CSMD1: variants seen among roughly 807,000 people sequenced by gnomAD.
CSMD1 encodes CUB and sushi domain-containing protein 1.
In CSMD1, 213 loss-of-function variants were observed where a neutral mutation model predicts 417.5. That is an observed-to-expected ratio of 0.51 (90% CI 0.46 to 0.57). CSMD1 has a LOEUF of 0.57. Ranked by LOEUF, CSMD1 falls within the 20% of genes least tolerant of loss-of-function variation. The probability of loss-of-function intolerance (pLI) is 0.00; values close to 1 mark genes in which losing one functional copy is unlikely to be tolerated. For missense variants in CSMD1, 6,923 were observed against 4,529.7 expected (o/e 1.53, Z -15.17); for synonymous variants, 2,862 against 1,736.8 (o/e 1.65, Z -16.11).
At chr8:4,295,368 ATG>A (rs978862746) in intron 3 of CSMD1, among the ~76,000 whole-genome samples, 2 of 144,196 alleles carry the variant, frequency 1.4e-5, no homozygotes, top group African/African-American at 5.0e-5. Context: ...AAGATTATAT[ATG>A]TATCTTATTA....
chr8:4,306,897 G>A (rs11136724), intron 3 of CSMD1, among the ~76,000 whole-genome samples: 102,465 of 151,804 alleles, frequency 0.67, 35,207 homozygotes, highest in East Asian at 0.84. Context: ...CTTTCCTTAC[G>A]CTAAAAATAT....
chr8:3,686,169 T>C (rs985220282), intron 7 of CSMD1, among the ~76,000 whole-genome samples: 3 of 152,276 alleles, frequency 2.0e-5, no homozygotes, highest in East Asian at 1.9e-4. Flanking sequence ...AAAATTCTTA[T>C]TTGAAATTAA....
intron 7 of CSMD1, among the ~76,000 whole-genome samples, chr8:3,640,102 G>A (rs13272488): frequency 0.47 from 72,047 of 151,692 alleles, 17,192 homozygotes; most frequent in Middle Eastern, 0.63. Context: ...GCTCTCCCAT[G>A]TAGAGGTCCT....
chr8:4,569,935 T>C (rs1294805653), intron 2 of CSMD1, among the ~76,000 whole-genome samples: 4 of 152,176 alleles, frequency 2.6e-5, no homozygotes, highest in Admixed American at 1.3e-4. Context: ...ATGATTTGGC[T>C]CTCTGTCTAT....
chr8:3,242,637 A>T (rs1428804480), intron 26 of CSMD1, among the ~76,000 whole-genome samples: 1 of 151,984 alleles, frequency 6.6e-6, no homozygotes, highest in Non-Finnish European at 1.5e-5. Context: ...GTGACAGTTG[A>T]AGAGGTTTTA....
chr8:4,121,277 G>C (rs1187158258), intron 3 of CSMD1, among the ~76,000 whole-genome samples: 2 of 151,858 alleles, frequency 1.3e-5, no homozygotes, highest in African/African-American at 4.8e-5. Flanking sequence ...ACCACACCCA[G>C]CTCGTTTTTG....
Position 3,733,444 on chromosome 8 carries a change from CA to C in CSMD1, c.931+20485del, listed in dbSNP as rs200361527. Among the ~76,000 whole-genome samples the C allele has an allele frequency of 8.6e-5, 13 of 151,180 alleles. No individual in the cohort carries two copies. In the East Asian group the frequency reaches 2.5e-3, roughly 29 times the overall value. On this transcript the variant is annotated intron_variant, in intron 6 of 69. Coordinates refer to ENST00000635120, the MANE Select transcript of CSMD1 (RefSeq NM_033225.6). ...GTACTTTTGATTTGGTGTATGTATG[CA>C]CTAATCTTCACTTATTCAATGTTTT...
chr8:4,757,411 G>C (rs969693000), intron 1 of CSMD1, among the ~76,000 whole-genome samples: 1 of 152,120 alleles, frequency 6.6e-6, no homozygotes, highest in Non-Finnish European at 1.5e-5. Flanking sequence ...CTATACAATA[G>C]TCACCAATTA....
chr8:3,065,361 G>T (rs925246474), intron 49 of CSMD1, among the ~76,000 whole-genome samples: 2 of 151,874 alleles, frequency 1.3e-5, no homozygotes, highest in Non-Finnish European at 2.9e-5. Flanking sequence ...TAGATAAGTG[G>T]ATAGATAAAT....
At chr8:4,038,960 G>A (rs1197439017) in intron 3 of CSMD1, among the ~76,000 whole-genome samples, 2 of 152,124 alleles carry the variant, frequency 1.3e-5, no homozygotes, top group Admixed American at 6.5e-5. Flanking sequence ...TGACTTAATT[G>A]GGCTATCACA....
At chr8:4,823,546 C>G (rs1462511199) in intron 1 of CSMD1, among the ~76,000 whole-genome samples, 1 of 152,052 alleles carries the variant, frequency 6.6e-6, no homozygotes, top group Non-Finnish European at 1.5e-5. Context: ...TCACTTAGTC[C>G]AAGCCCTCGT....
rs770440780 is a variant in CSMD1 at position 3,162,186 on chromosome 8, G to A, written c.5817C>T (p.Phe1939=). 8 of 1,609,148 alleles carry A rather than the reference G, an allele frequency of 5.0e-6. No homozygotes were observed. The highest frequency in any genetic ancestry group is 6.8e-6 in the Non-Finnish European group (8 of 1,177,606). The change falls in exon 38 of 70, where the codon TTC becomes TTT. Residue 1939 remains phenylalanine, a synonymous_variant. Transcript: ENST00000635120. ...DRYMVNDVLS[F]QCEPGYTLQG... Reference sequence around the variant, plus strand: ...GCAGGGTGTACCCGGGCTCGCACTGGAAGGAGAGCACGTCGTTCACCATGT... The same window carrying A: ...GCAGGGTGTACCCGGGCTCGCACTGAAAGGAGAGCACGTCGTTCACCATGT...
chr8:3,573,819 T>C (rs73658202), intron 10 of CSMD1, among the ~76,000 whole-genome samples: 406 of 138,190 alleles, frequency 2.9e-3, no homozygotes, highest in African/African-American at 0.011. Context: ...AATATTACTA[T>C]AAATATAATT....
chr8:3,975,194 C>T (rs1171252838), intron 5 of CSMD1, among the ~76,000 whole-genome samples: 3 of 152,114 alleles, frequency 2.0e-5, no homozygotes, highest in South Asian at 2.1e-4. Context: ...CATCCTGTTA[C>T]GATGTTATTG....
At chr8:4,823,978 G>A (rs186192227) in intron 1 of CSMD1, among the ~76,000 whole-genome samples, 3 of 151,372 alleles carry the variant, frequency 2.0e-5, no homozygotes, top group African/African-American at 2.4e-5. Flanking sequence ...ACACACCCAC[G>A]CATGGACACA....
chr8:3,430,936 T>G (rs1814179902), intron 12 of CSMD1, among the ~76,000 whole-genome samples: 1 of 152,238 alleles, frequency 6.6e-6, no homozygotes, highest in African/African-American at 2.4e-5. Context: ...AATAGTTGCA[T>G]GACTAGTAAA....
chr8:4,741,310 A>G (rs1027698806), intron 1 of CSMD1, among the ~76,000 whole-genome samples: 5 of 152,214 alleles, frequency 3.3e-5, no homozygotes, highest in African/African-American at 9.6e-5. Context: ...ACTGCATTTT[A>G]AAAACAGGGA....
intron 4 of CSMD1, among the ~76,000 whole-genome samples, chr8:4,004,063 A>T (rs1365159340): frequency 6.6e-6 from 1 of 152,200 alleles, no homozygotes; most frequent in South Asian, 2.1e-4. Flanking sequence ...AAAAGGGTAT[A>T]ATGTCTGATC....
At chr8:4,892,312 G>C (rs898354286) in intron 1 of CSMD1, among the ~76,000 whole-genome samples, 2 of 152,078 alleles carry the variant, frequency 1.3e-5, no homozygotes, top group African/African-American at 4.8e-5. Context: ...CACATACTCA[G>C]ATGGTTGATA....
Sources: gnomAD v4.1 joint callset for allele counts (sites outside exome capture counted in the v4.1 genomes callset) on GRCh38, gnomAD v4.1.1 for gene constraint, MANE v1.5 for transcripts, NCBI Gene and HGNC (gene_info 2026-07-23, HGNC 2026-07-21) for gene names.